The following DLG1 variants were observed in gnomAD, a reference collection of about 807,000 sequenced individuals.
The protein encoded by DLG1 is discs large MAGUK scaffold protein 1.
Under a neutral mutation model 123.4 loss-of-function variants are expected in DLG1, and 42 were observed. The observed-to-expected ratio is 0.34, with a 90% CI of 0.27 to 0.44. The LOEUF (loss-of-function observed/expected upper bound fraction) is 0.44, where lower values mean the gene tolerates loss of function less well. Among genes scored for constraint, DLG1 ranks in the 20% least tolerant of loss-of-function variants. The probability of loss-of-function intolerance (pLI) is 1.00; values close to 1 mark genes in which losing one functional copy is unlikely to be tolerated. For synonymous variants in DLG1, 317 were observed against 356.2 expected, an observed-to-expected ratio of 0.89 and a Z score of 1.24; for missense variants, 942 against 1,082.6, an observed-to-expected ratio of 0.87 and a Z score of 1.82.
intron 10 of DLG1, among the ~76,000 whole-genome samples, chr3:197,135,211 A>G (rs200025590): frequency 1.5e-4 from 23 of 152,222 alleles, no homozygotes; most frequent in East Asian, 1.9e-4. Context: ...CCTAAGGAAC[A>G]TGGACTGAGA....
chr3:197,155,681 C>A (rs1431921476), intron 5 of DLG1, among the ~76,000 whole-genome samples: 1 of 151,724 alleles, frequency 6.6e-6, no homozygotes, highest in Non-Finnish European at 1.5e-5. Context: ...GTAATCCCAG[C>A]ACTTCAGGTG....
At chr3:197,091,660 A>G (rs937361321) in intron 14 of DLG1, among the ~76,000 whole-genome samples, 1 of 152,236 alleles carries the variant, frequency 6.6e-6, no homozygotes, top group African/African-American at 2.4e-5. Context: ...TATGATTTTG[A>G]AAATGGACAA....
chr3:197,123,557 TGA>T (rs1777501105), intron 11 of DLG1, among the ~76,000 whole-genome samples: 1 of 152,202 alleles, frequency 6.6e-6, no homozygotes, highest in Admixed American at 6.5e-5. Flanking sequence ...ATTAAAATCA[TGA>T]GATAACTTTA....
chr3:197,162,338 G>A (rs1799139168), intron 5 of DLG1, among the ~76,000 whole-genome samples: 1 of 152,108 alleles, frequency 6.6e-6, no homozygotes, highest in Admixed American at 6.6e-5. Context: ...AAAGTTCACT[G>A]TTTTATCTGG....
chr3:197,238,714 A>G (rs937031785), intron 4 of DLG1, among the ~76,000 whole-genome samples: 6 of 152,354 alleles, frequency 3.9e-5, no homozygotes, highest in Non-Finnish European at 4.4e-5. Context: ...GTGGAAATTA[A>G]ACACACTCTT....
intron 3 of DLG1, among the ~76,000 whole-genome samples, chr3:197,291,340 CAGTT>C (rs1774826932): frequency 6.8e-6 from 1 of 146,488 alleles, no homozygotes; most frequent in Non-Finnish European, 1.5e-5. Flanking sequence ...CACACACACA[CAGTT>C]AGCAAGAGAC....
intron 5 of DLG1, among the ~76,000 whole-genome samples, chr3:197,152,413 C>G (rs1429318658): frequency 7.0e-6 from 1 of 142,666 alleles, no homozygotes; most frequent in Admixed American, 7.1e-5. Flanking sequence ...TTAAGGATCC[C>G]AAAGTCTTTT....
At chr3:197,115,752 A>C (rs1445170939) in intron 13 of DLG1, among the ~76,000 whole-genome samples, 175 bp downstream of exon 13, 1 of 152,220 alleles carries the variant, frequency 6.6e-6, no homozygotes, top group Non-Finnish European at 1.5e-5. Context: ...CTATAAAAGA[A>C]CACCTATTAT....
chr3:197,142,325 C>T, intron 7 of DLG1, among the ~76,000 whole-genome samples: 1 of 151,976 alleles, frequency 6.6e-6, no homozygotes, highest in South Asian at 2.1e-4. Context: ...CTGGATGGGC[C>T]TCTGAGAGAG....
Position 197,298,520 on chromosome 3 carries a change from T to G in DLG1, c.-32+16A>C, listed in dbSNP as rs1433789392. The stretch of plus-strand genomic sequence containing the variant: ...GAGGCGTGACCTCGCCTACACCAGA[T>G]CCAAGGCGCACATACCGAGACACCC... On this transcript the variant is annotated intron_variant, in intron 1 of 24. Coordinates refer to ENST00000667157, the MANE Select transcript of DLG1 (RefSeq NM_001366207.1). 7.5e-6 allele frequency: 3 copies of G among 398,324 alleles called. No homozygotes were observed. The highest frequency in any genetic ancestry group is 1.3e-5 in the Non-Finnish European group (3 of 226,074). The allele number at this position is 398,324 out of a possible 1,614,324, so 24.7% of individuals were successfully genotyped here.
At chr3:197,252,891 A>G (rs991082252) in intron 4 of DLG1, among the ~76,000 whole-genome samples, 3 of 152,186 alleles carry the variant, frequency 2.0e-5, no homozygotes, top group Admixed American at 6.5e-5. Context: ...TGTCAGTCTC[A>G]TAAAAATGGT....
At chr3:197,265,563 T>C (rs1761326770) in intron 4 of DLG1, among the ~76,000 whole-genome samples, 1 of 151,940 alleles carries the variant, frequency 6.6e-6, no homozygotes, top group South Asian at 2.1e-4. Context: ...ATCTGCAGAG[T>C]TCCCCTCGAG....
At position 197,132,334 on chromosome 3, in the gene DLG1, C is replaced by T. The variant is rs565541027; in HGVS notation, c.1021-1663G>A. Among the ~76,000 whole-genome samples, 364 of 151,504 alleles carry T rather than the reference C, an allele frequency of 2.4e-3. 2 individuals are homozygous for T. Among genetic ancestry groups the T allele is most frequent in the Non-Finnish European group, 3.9e-3 (265 of 67,892 alleles). ...ATAAGTAAAACATTATCAATGTTTC[C>T]GTTTTAAATTACCATGTATTAACAA... On this transcript the variant is annotated intron_variant, in intron 10 of 24. Coordinates refer to ENST00000667157, the MANE Select transcript of DLG1 (RefSeq NM_001366207.1).
At chr3:197,188,743 GACT>G (rs1337054745) in intron 5 of DLG1, among the ~76,000 whole-genome samples, 5 of 152,262 alleles carry the variant, frequency 3.3e-5, no homozygotes, top group African/African-American at 1.2e-4. Flanking sequence ...TTAAAAAAGA[GACT>G]ACTAGTCTAA....
At chr3:197,114,212 T>C (rs1047825055) in intron 13 of DLG1, among the ~76,000 whole-genome samples, 3 of 152,120 alleles carry the variant, frequency 2.0e-5, no homozygotes, top group Middle Eastern at 3.2e-3. Context: ...GTTTTTAGAA[T>C]TGATGAAAGA....
chr3:197,231,255 C>G (rs1742840918), intron 4 of DLG1, among the ~76,000 whole-genome samples: 1 of 152,130 alleles, frequency 6.6e-6, no homozygotes, highest in South Asian at 2.1e-4. Context: ...TTTGAAACGG[C>G]AGGAATTAAG....
chr3:197,106,141 C>T (rs777022689), intron 13 of DLG1, among the ~76,000 whole-genome samples: 1 of 152,160 alleles, frequency 6.6e-6, no homozygotes, highest in Non-Finnish European at 1.5e-5. Context: ...CATGGTGGCT[C>T]ACACCTGTTA....
chr3:197,147,129 AAT>A (rs1293490733), intron 6 of DLG1, among the ~76,000 whole-genome samples: 3 of 152,202 alleles, frequency 2.0e-5, no homozygotes, highest in Non-Finnish European at 4.4e-5. Flanking sequence ...ATCATAAAAA[AAT>A]AAAAAAAAAT....
chr3:197,054,049 G>A (rs1457990990), intron 23 of DLG1, among the ~76,000 whole-genome samples: 2 of 146,660 alleles, frequency 1.4e-5, no homozygotes, highest in African/African-American at 5.0e-5. Context: ...TGGGTAAGCA[G>A]CGAGCCACTG....
Sources: gnomAD v4.1 joint callset for allele counts (sites outside exome capture counted in the v4.1 genomes callset) on GRCh38, gnomAD v4.1.1 for gene constraint, MANE v1.5 for transcripts, NCBI Gene and HGNC (gene_info 2026-07-23, HGNC 2026-07-21) for gene names.